Variants in CLIP4 observed in about 807,000 individuals in gnomAD.
The protein encoded by CLIP4 is CAP-Gly domain-containing linker protein 4.
A neutral mutation model predicts 73.1 loss-of-function variants in CLIP4; 47 were observed. That is an observed-to-expected ratio of 0.64 (90% CI 0.51 to 0.82). The LOEUF (loss-of-function observed/expected upper bound fraction) is 0.82. CLIP4 is among the 40% of genes least tolerant of loss of function. The pLI is 0.00. For synonymous variants in CLIP4, 306 were observed against 295.4 expected, an observed-to-expected ratio of 1.04 and a Z score of -0.37; for missense variants, 874 against 852.9, an observed-to-expected ratio of 1.02 and a Z score of -0.31.
chr2:29,156,518 T>G (rs1164241476), intron 10 of CLIP4, 75 bp downstream of exon 10: 1 of 1,073,140 alleles, frequency 9.3e-7, no homozygotes, highest in Non-Finnish European at 1.4e-6. Context: ...GGAAAACAGT[T>G]TATATGGAGG....
Position 29,132,175 on chromosome 2 carries a change from G to A in CLIP4, c.297G>A (p.Val99=), listed in dbSNP as rs1461522214. The change falls in exon 4 of 16, where the codon GTG becomes GTA. Residue 99 remains valine, a synonymous_variant. Transcript: ENST00000320081. ...GNEILKRGCN[V]NDRDGLTDMT... Reference sequence around the variant, plus strand: ...AGATTCTTAAGAGAGGTTGCAATGTGAATGATAGAGATGGATTGACAGATA... The same window carrying A: ...AGATTCTTAAGAGAGGTTGCAATGTAAATGATAGAGATGGATTGACAGATA... The A allele has an allele frequency of 1.2e-6, 2 of 1,613,616 alleles. No homozygotes were observed. Among genetic ancestry groups the A allele is most frequent in the Non-Finnish European group, 8.5e-7 (1 of 1,179,734 alleles).
intron 15 of CLIP4, chr2:29,175,225 C>T (rs1054525970): frequency 1.3e-5 from 2 of 152,216 alleles, no homozygotes; most frequent in Non-Finnish European, 2.9e-5. Context: ...TATTGGCAAG[C>T]TTCACAGAGA....
Position 29,157,577 on chromosome 2 carries a change from T to C in CLIP4, c.1399+230T>C, listed in dbSNP as rs75006324. Among the ~76,000 whole-genome samples, 970 of 152,364 alleles carry C rather than the reference T, an allele frequency of 6.4e-3. 12 individuals carry two copies. Among genetic ancestry groups the C allele is most frequent in the African/African-American group, 0.022 (916 of 41,586 alleles). On this transcript the variant is annotated intron_variant, in intron 11 of 15. Coordinates refer to ENST00000320081, the MANE Select transcript of CLIP4 (RefSeq NM_024692.6). ...TCATGTAATTCATTCTTAGTGGTTT[T>C]ACCTCATCTGAATTTAGCTTCTTCA... is the stretch of plus-strand genomic sequence containing the variant.
intron 6 of CLIP4, 36 bp from the exon 7 acceptor site, chr2:29,143,673 A>G (rs1009178163): frequency 1.1e-5 from 15 of 1,364,032 alleles, no homozygotes; most frequent in Non-Finnish European, 1.5e-5. Context: ...TGCTCTAAGT[A>G]AGAGTTGAAC....
rs763252317 is a variant in CLIP4, at chr2:29,115,986, C to G, written c.-16+321C>G. ...GGCGGCGGAGCTGGGCTCTGGGCCA[C>G]GACCGCCAGCCGCGGCTGCCCCGAG... is the stretch of plus-strand genomic sequence containing the variant. On this transcript the variant is annotated intron_variant, in intron 1 of 15. Coordinates refer to ENST00000320081, the MANE Select transcript of CLIP4 (RefSeq NM_024692.6). The surrounding 1 kb of genome is among the most constrained non-coding windows in gnomAD (Gnocchi z 5.1). Among the ~76,000 whole-genome samples the G allele has an allele frequency of 3.9e-5, 6 of 152,182 alleles. No individual in the cohort carries two copies. Among genetic ancestry groups the G allele is most frequent in the African/African-American group, 1.4e-4 (6 of 41,456 alleles).
At chr2:29,172,626 A>G (rs187506932) in intron 14 of CLIP4, among the ~76,000 whole-genome samples, 49 of 152,068 alleles carry the variant, frequency 3.2e-4, no homozygotes, top group South Asian at 6.2e-4. Context: ...AATTCTTTAC[A>G]ATTCTTATTT....
chr2:29,111,545 G>T (rs1668387189), upstream of CLIP4, among the ~76,000 whole-genome samples: 1 of 152,190 alleles, frequency 6.6e-6, no homozygotes, highest in African/African-American at 2.4e-5. Flanking sequence ...TCTCTTTAAT[G>T]CTTGCTTGCC....
Position 29,132,265 on chromosome 2 carries a change from A to ATC in CLIP4, c.367+21_367+22dup. On this transcript the variant is annotated intron_variant, in intron 4 of 15. Coordinates refer to ENST00000320081, the MANE Select transcript of CLIP4 (RefSeq NM_024692.6). ...GTATTGGTAAGTGTGTGGTAAATCT[A>ATC]TCAGTTGCTTATGTCATCTGCACTT... 6.3e-7 allele frequency: 1 copy of ATC among 1,581,284 alleles called. No homozygotes were observed. The highest frequency in any genetic ancestry group is 8.7e-7 in the Non-Finnish European group (1 of 1,150,622).
rs369326999 is a variant in CLIP4 at position 29,143,833 on chromosome 2, C to A, written c.773C>A (p.Ser258Ter). 1 of 1,614,122 alleles carries A rather than the reference C, an allele frequency of 6.2e-7. No homozygotes were observed. Among genetic ancestry groups the A allele is most frequent in the Non-Finnish European group, 8.5e-7 (1 of 1,179,962 alleles). ...ATGCTTCTAGATGCGGTGCCTCTGT[C>A]ATGTAACATCTCAAAGGCCATGCTC... is the stretch of plus-strand genomic sequence containing the variant. ...KQMLLDAVPL[S>*]CNISKAMLPN... Residue 258 changes from serine to a stop codon, truncating the protein, a stop_gained, in exon 7 of 16, where the codon TCA (serine) becomes TAA (stop). Transcript: ENST00000320081. LOFTEE classifies it high-confidence loss of function.
At chr2:29,144,553 A>G (rs1234310613) in intron 7 of CLIP4, among the ~76,000 whole-genome samples, 1 of 151,904 alleles carries the variant, frequency 6.6e-6, no homozygotes, top group East Asian at 1.9e-4. Flanking sequence ...TTATTTTATT[A>G]TACTTTAAGT....
intron 1 of CLIP4, among the ~76,000 whole-genome samples, chr2:29,102,448 T>C (rs1668076346): frequency 6.6e-6 from 1 of 152,104 alleles, no homozygotes; most frequent in Admixed American, 6.5e-5. Context: ...ACTCCTACTG[T>C]TGCCACCTGA....
intron 1 of CLIP4, among the ~76,000 whole-genome samples, chr2:29,106,056 C>CTTT (rs34819898): frequency 1.9e-4 from 28 of 144,970 alleles, no homozygotes; most frequent in African/African-American, 6.8e-4. Flanking sequence ...AGCATTTAAT[C>CTTT]TTTTTTTTTT....
intron 13 of CLIP4, among the ~76,000 whole-genome samples, chr2:29,166,853 A>G (rs1667656051): frequency 6.6e-6 from 1 of 152,200 alleles, no homozygotes; most frequent in Non-Finnish European, 1.5e-5. Flanking sequence ...TGCTGGAGGA[A>G]GTGATTGACA....
intron 9 of CLIP4, among the ~76,000 whole-genome samples, chr2:29,155,715 G>A (rs1270354467): frequency 6.6e-6 from 1 of 152,108 alleles, no homozygotes; most frequent in East Asian, 1.9e-4. Context: ...TGGAGTTCAG[G>A]CTCTCATGCT....
At position 29,167,472 on chromosome 2, in the gene CLIP4, A is replaced by G. The variant is rs1176746667; in HGVS notation, c.1659-4A>G. ...TAACGAGATGTCCTTTGTTTTATTC[A>G]TAGAGTAACAGATTCCCTGGATACC... On this transcript the variant is annotated splice_region_variant and splice_polypyrimidine_tract_variant and intron_variant, in intron 13 of 15. Transcript: ENST00000320081. 5.0e-6 allele frequency: 8 copies of G among 1,598,932 alleles called. No homozygotes were observed. The Admixed American group carries it at 8.7e-5, about 17-fold the overall frequency.
chr2:29,135,670 A>G lies in CLIP4; in HGVS notation c.648+4A>G. 2 of 1,575,958 alleles carry G rather than the reference A, an allele frequency of 1.3e-6. No homozygotes were observed. Among genetic ancestry groups the G allele is most frequent in the Non-Finnish European group, 1.7e-6 (2 of 1,157,492 alleles). ...GGGAGCAAATCCTGCATTTAGGGTA[A>G]GAGGTTAAATTAAAAGTGAAAAATA... On this transcript the variant is annotated splice_donor_region_variant and intron_variant, in intron 6 of 15. Coordinates refer to ENST00000320081, the MANE Select transcript of CLIP4 (RefSeq NM_024692.6).
At chr2:29,153,305 C>T (rs1010947584) in intron 9 of CLIP4, among the ~76,000 whole-genome samples, 9 of 152,044 alleles carry the variant, frequency 5.9e-5, no homozygotes, top group African/African-American at 9.7e-5. Flanking sequence ...TGGAAGAGAA[C>T]GGTTTATCGT....
In CLIP4 at chr2:29,131,139, A is replaced by AT. The variant is rs78332192; in HGVS notation, c.134-110dup. On this transcript the variant is annotated intron_variant, in intron 2 of 15. Transcript: ENST00000320081. Reference sequence around the variant, plus strand: ...TATTTTCCTTATTTAGATACTTCTGATTTTTTTTTAGCATCTAAAATATTT... The same window carrying AT: ...TATTTTCCTTATTTAGATACTTCTGATTTTTTTTTTAGCATCTAAAATATTT... 3,016 of 963,566 alleles carry AT rather than the reference A, an allele frequency of 3.1e-3. 26 individuals carry two copies. The highest frequency in any genetic ancestry group is 0.013 in the East Asian group (455 of 35,832). The allele number at this position is 963,566 out of a possible 1,614,324, so 59.7% of individuals were successfully genotyped here.
intron 2 of CLIP4, chr2:29,130,611 T>A: frequency 1.8e-6 from 2 of 1,101,946 alleles, no homozygotes; most frequent in East Asian, 1.6e-4. Context: ...TCTATTTTGA[T>A]TTTTGCCTAA....
Sources: gnomAD v4.1 joint callset for allele counts (sites outside exome capture counted in the v4.1 genomes callset) on GRCh38, gnomAD v4.1.1 for gene constraint, Gnocchi (gnomAD v3.1) non-coding constraint, MANE v1.5 for transcripts, NCBI Gene and HGNC (gene_info 2026-07-23, HGNC 2026-07-21) for gene names.